Variants in MACROD2 observed in about 807,000 individuals in gnomAD.
MACROD2 encodes the protein mono-ADP ribosylhydrolase 2.
A neutral mutation model predicts 70.4 loss-of-function variants in MACROD2; 36 were observed. The observed-to-expected ratio is 0.51, with a 90% CI of 0.39 to 0.68. The LOEUF is 0.68. Among genes scored for constraint, MACROD2 ranks in the 30% least tolerant of loss-of-function variants. MACROD2 has a pLI of 0.00. For synonymous variants in MACROD2, 172 were observed against 178.8 expected (o/e 0.96, Z 0.30); for missense variants, 496 against 538.4 (o/e 0.92, Z 0.78).
chr20:15,398,535 A>G (rs149899275), intron 6 of MACROD2, among the ~76,000 whole-genome samples: 23 of 152,300 alleles, frequency 1.5e-4, no homozygotes, highest in East Asian at 5.8e-4. Flanking sequence ...CTCCTGATAA[A>G]TGCTTACGAG....
chr20:15,988,640 T>C (rs1345971422), intron 15 of MACROD2, among the ~76,000 whole-genome samples: 1 of 152,146 alleles, frequency 6.6e-6, no homozygotes, highest in Non-Finnish European at 1.5e-5. Context: ...TGCCAATCTT[T>C]TTCTGATAAT....
intron 6 of MACROD2, among the ~76,000 whole-genome samples, chr20:15,238,898 A>G (rs1196993878): frequency 2.6e-5 from 4 of 152,230 alleles, no homozygotes; most frequent in Non-Finnish European, 5.9e-5. Context: ...ATACTGGCCT[A>G]GCACACTGTC....
At chr20:14,606,322 C>G (rs1394540749) in intron 4 of MACROD2, among the ~76,000 whole-genome samples, 1 of 151,926 alleles carries the variant, frequency 6.6e-6, no homozygotes, top group Non-Finnish European at 1.5e-5. Context: ...TTTTTAATGT[C>G]TAAAATTGAG....
At chr20:15,821,810 G>T (rs1044390715) in intron 8 of MACROD2, among the ~76,000 whole-genome samples, 2 of 152,142 alleles carry the variant, frequency 1.3e-5, no homozygotes, top group African/African-American at 2.4e-5. Flanking sequence ...TTTAATAAGA[G>T]GATGGAGCAT....
chr20:15,332,164 T>G (rs1038377622), intron 6 of MACROD2, among the ~76,000 whole-genome samples: 1 of 151,484 alleles, frequency 6.6e-6, no homozygotes, highest in Non-Finnish European at 1.5e-5. Context: ...CATATCATTT[T>G]TGTCCAGGTT....
At chr20:14,133,016 G>GTA (rs1024935228) in intron 3 of MACROD2, among the ~76,000 whole-genome samples, 2 of 152,118 alleles carry the variant, frequency 1.3e-5, no homozygotes, top group Non-Finnish European at 2.9e-5. Flanking sequence ...GTGTGTGTGT[G>GTA]TATATGGGAC....
At chr20:15,125,734 A>G (rs1055248234) in intron 5 of MACROD2, among the ~76,000 whole-genome samples, 1 of 152,108 alleles carries the variant, frequency 6.6e-6, no homozygotes, top group East Asian at 1.9e-4. Context: ...TTTAAAGTGT[A>G]TAATTCAGTG....
At chr20:14,415,733 A>AT (rs2083796739) in intron 3 of MACROD2, among the ~76,000 whole-genome samples, 4 of 152,202 alleles carry the variant, frequency 2.6e-5, no homozygotes, top group African/African-American at 9.7e-5. Context: ...TAAGCTGGTG[A>AT]CACAAGGAAA....
intron 8 of MACROD2, among the ~76,000 whole-genome samples, chr20:15,816,576 C>A (rs533529422): frequency 6.6e-6 from 1 of 152,240 alleles, no homozygotes; most frequent in East Asian, 1.9e-4. Flanking sequence ...CATTCATAGA[C>A]CTTATAGCTT....
At chr20:14,161,181 T>C (rs1003409741) in intron 3 of MACROD2, among the ~76,000 whole-genome samples, 3 of 143,456 alleles carry the variant, frequency 2.1e-5, no homozygotes, top group Non-Finnish European at 3.0e-5. Flanking sequence ...TCATTCTTTT[T>C]TTTCTTTTTC....
intron 3 of MACROD2, among the ~76,000 whole-genome samples, chr20:14,453,024 G>A (rs966092699): frequency 1.3e-5 from 2 of 152,138 alleles, no homozygotes; most frequent in African/African-American, 4.8e-5. Flanking sequence ...CTTAGGACAA[G>A]AAGTGAGAAA....
chr20:15,815,287 A>G (rs1449342265), intron 8 of MACROD2, among the ~76,000 whole-genome samples: 1 of 152,144 alleles, frequency 6.6e-6, no homozygotes, highest in African/African-American at 2.4e-5. Flanking sequence ...TTTTATGGAC[A>G]CCTCTCTAAA....
chr20:14,367,184 T>A lies in MACROD2; in HGVS notation c.272-126295T>A, dbSNP rs546569315. On this transcript the variant is annotated intron_variant, in intron 3 of 17. Coordinates refer to ENST00000684519, the MANE Select transcript of MACROD2 (RefSeq NM_001351661.2). ...ATATCAAAGTTCTGTTTCTATACAG[T>A]TCTCTCCTCATGTTAATGTTTTTAT... Among the ~76,000 whole-genome samples, 6 of 152,302 alleles carry A rather than the reference T, an allele frequency of 3.9e-5. No homozygotes were observed. The South Asian group carries it at 1.2e-3, about 32-fold the overall frequency.
intron 7 of MACROD2, among the ~76,000 whole-genome samples, chr20:15,456,572 G>C (rs1228676153): frequency 6.6e-6 from 1 of 152,152 alleles, no homozygotes; most frequent in Admixed American, 6.6e-5. Context: ...GGTGTGAACT[G>C]AGTCTTCAGG....
intron 3 of MACROD2, among the ~76,000 whole-genome samples, chr20:14,246,472 A>G (rs1040693842): frequency 1.1e-4 from 17 of 152,308 alleles, no homozygotes; most frequent in Middle Eastern, 3.4e-3. Context: ...GTCTAGCTCA[A>G]GTATCTCCAT....
intron 3 of MACROD2, among the ~76,000 whole-genome samples, chr20:14,109,611 A>G (rs974661011): frequency 7.2e-5 from 11 of 151,914 alleles, no homozygotes; most frequent in African/African-American, 2.4e-4. Context: ...AGTAGCTACT[A>G]TGAGCAATAG....
At chr20:14,225,148 T>A (rs527822432) in intron 3 of MACROD2, among the ~76,000 whole-genome samples, 2 of 152,348 alleles carry the variant, frequency 1.3e-5, no homozygotes, top group South Asian at 4.1e-4. Context: ...GAATAATTTG[T>A]TTTCCTCTTC....
At chr20:14,310,586 C>G (rs1157593326) in intron 3 of MACROD2, among the ~76,000 whole-genome samples, 5 of 152,080 alleles carry the variant, frequency 3.3e-5, no homozygotes, top group African/African-American at 1.2e-4. Flanking sequence ...GAAAAAATGA[C>G]TATCTTACTA....
At chr20:14,011,174 G>A (rs2052899169) in intron 2 of MACROD2, among the ~76,000 whole-genome samples, 1 of 152,092 alleles carries the variant, frequency 6.6e-6, no homozygotes, top group African/African-American at 2.4e-5. Context: ...GGGTGGCCAG[G>A]GGCATTGTAC....
Sources: gnomAD v4.1 joint callset for allele counts (sites outside exome capture counted in the v4.1 genomes callset) on GRCh38, gnomAD v4.1.1 for gene constraint, MANE v1.5 for transcripts, NCBI Gene and HGNC (gene_info 2026-07-23, HGNC 2026-07-21) for gene names.